The following AEBP2 variants were observed in gnomAD, a reference collection of about 807,000 sequenced individuals.
AEBP2 encodes the protein zinc finger protein AEBP2.
Under a neutral mutation model 50.8 loss-of-function variants are expected in AEBP2, and 10 were observed. The observed-to-expected ratio is 0.20, with a 90% confidence interval of 0.12 to 0.33. The LOEUF is 0.33. Ranked by LOEUF, AEBP2 falls within the 10% of genes least tolerant of loss-of-function variation. The pLI, the probability that AEBP2 is intolerant of heterozygous loss-of-function variation, is 1.00. For synonymous variants in AEBP2, 296 were observed against 261.3 expected (o/e 1.13, Z -1.28); for missense variants, 570 against 688.0 (o/e 0.83, Z 1.92).
chr12:19,455,921 G>C (rs1369155002), intron 1 of AEBP2, among the ~76,000 whole-genome samples: 1 of 151,542 alleles, frequency 6.6e-6, no homozygotes, highest in Non-Finnish European at 1.5e-5. Context: ...TTTCAGTTGG[G>C]TAACAATACT....
In AEBP2 at chr12:19,440,050, G is replaced by T; in HGVS notation, c.351G>T (p.Glu117Asp). The T allele has an allele frequency of 6.6e-7, 1 of 1,521,552 alleles. No individual in the cohort carries two copies. 94.3% of individuals were successfully genotyped at this position (1,521,552 alleles called of 1,614,324 possible). ...AGAGCAGCAGCAGCGGCGGGGGTGAGGAGGAGAGTAGCGCCGAGAGCCTGG... is the reference window on the plus strand; with the variant it reads ...AGAGCAGCAGCAGCGGCGGGGGTGATGAGGAGAGTAGCGCCGAGAGCCTGG... ...EDESSSSGGG[E>D]EESSAESLVG... The change falls in exon 1 of 8, where the codon GAG becomes GAT. Residue 117 changes from glutamate to aspartate, a missense_variant. Glu to Asp is a conservative substitution (Grantham distance 45, BLOSUM62 2). Transcript: ENST00000266508.
chr12:19,422,384 A>T (rs2095746272), intron 1 of AEBP2, among the ~76,000 whole-genome samples: 1 of 152,154 alleles, frequency 6.6e-6, no homozygotes, highest in South Asian at 2.1e-4. Flanking sequence ...TTATAGTTTG[A>T]AATGCCCTAA....
At chr12:19,447,194 C>T (rs971861867) in intron 1 of AEBP2, among the ~76,000 whole-genome samples, 4 of 152,318 alleles carry the variant, frequency 2.6e-5, no homozygotes, top group South Asian at 2.1e-4. Flanking sequence ...CAAGTGTGTA[C>T]GTCTCTCAGT....
intron 1 of AEBP2, among the ~76,000 whole-genome samples, chr12:19,410,924 T>A (rs935298957): frequency 3.5e-4 from 54 of 152,134 alleles, no homozygotes; most frequent in African/African-American, 1.3e-3. Flanking sequence ...GCATTGCAGG[T>A]GCTAAAATGC....
intron 1 of AEBP2, chr12:19,456,785 G>T: frequency 1.9e-6 from 3 of 1,575,340 alleles, no homozygotes; most frequent in Non-Finnish European, 2.6e-6. Context: ...TTTTAATGTT[G>T]ACTGGAGCAA....
rs1947908437 is a variant in AEBP2 at position 19,439,721 on chromosome 12, A to G, written c.22A>G (p.Met8Val). The G allele has an allele frequency of 3.3e-6, 5 of 1,514,654 alleles. No homozygotes were observed. The highest frequency in any genetic ancestry group is 4.4e-6 in the Non-Finnish European group (5 of 1,138,504). The allele number at this position is 1,514,654 out of a possible 1,614,324, so 93.8% of individuals were successfully genotyped here. A position where few individuals can be genotyped will look rare whatever the true frequency, so the allele number is the denominator to read the frequency against. MAAAITDMADLEELSRLS... is the reference protein window; with the variant it reads MAAAITDVADLEELSRLS... ...CGCCATGGCCGCCGCTATCACCGAC[A>G]TGGCCGACCTGGAGGAGCTCTCCCG... Residue 8 changes from methionine (M) to valine (V), a missense_variant, in exon 1 of 8, where the codon ATG (methionine) becomes GTG (valine). Met to Val is a conservative substitution (Grantham distance 21). Coordinates refer to ENST00000266508, the MANE Select transcript of AEBP2 (RefSeq NM_153207.5).
chr12:19,451,018 G>A (rs573240194), intron 1 of AEBP2, among the ~76,000 whole-genome samples: 1 of 151,840 alleles, frequency 6.6e-6, no homozygotes, highest in Non-Finnish European at 1.5e-5. Flanking sequence ...TTTTGCACTT[G>A]TTTGACTATG....
intron 1 of AEBP2, among the ~76,000 whole-genome samples, chr12:19,417,914 AG>A (rs2095743486): frequency 6.6e-6 from 1 of 151,872 alleles, no homozygotes; most frequent in Non-Finnish European, 1.5e-5. Context: ...CATGTTGGCC[AG>A]GATTGTCTCA....
In AEBP2 at chr12:19,500,090, CT is replaced by C; in HGVS notation, c.1175-3del. 1 of 1,600,088 alleles carries C rather than the reference CT, an allele frequency of 6.2e-7. No homozygotes were observed. The highest frequency in any genetic ancestry group is 1.1e-5 in the South Asian group (1 of 87,670). ...AAATATTCTTTACTTTTTATGTTGA[CT>C]TTTAGCACGGCCACATGATTTCTTC... On this transcript the variant is annotated splice_polypyrimidine_tract_variant and splice_region_variant and intron_variant, in intron 4 of 7. Coordinates refer to ENST00000266508, the MANE Select transcript of AEBP2 (RefSeq NM_153207.5).
chr12:19,426,038 C>A (rs180875905), intron 1 of AEBP2, among the ~76,000 whole-genome samples: 1 of 152,198 alleles, frequency 6.6e-6, no homozygotes, highest in Non-Finnish European at 1.5e-5. Flanking sequence ...CTGGCTCAAG[C>A]GATCCTCCCA....
rs533178962 is a variant in AEBP2 at position 19,453,914 on chromosome 12, C to T, written c.672-8596C>T. Among the ~76,000 whole-genome samples, 11 of 150,082 alleles carry T rather than the reference C, an allele frequency of 7.3e-5. No individual in the cohort carries two copies. The South Asian group carries it at 8.5e-4, about 12-fold the overall frequency. ...ACGGCTCAAGTGATTCTCCCCCCCT[C>T]GGCCTCCCAAAGTGCTGGGATTACA... On this transcript the variant is annotated intron_variant, in intron 1 of 7. Coordinates refer to ENST00000266508, the MANE Select transcript of AEBP2 (RefSeq NM_153207.5).
chr12:19,434,604 A>G (rs903662682), upstream of AEBP2, among the ~76,000 whole-genome samples: 3 of 152,256 alleles, frequency 2.0e-5, no homozygotes, highest in Non-Finnish European at 4.4e-5. Flanking sequence ...ATGAATGGGT[A>G]CTGAGCTGGG....
intron 1 of AEBP2, among the ~76,000 whole-genome samples, chr12:19,421,690 T>A (rs1592706261): frequency 6.6e-6 from 1 of 152,222 alleles, no homozygotes; most frequent in East Asian, 1.9e-4. Flanking sequence ...GCAAACCTTG[T>A]CACATAGCAG....
intron 3 of AEBP2, among the ~76,000 whole-genome samples, chr12:19,488,536 GA>G (rs1297672291): frequency 2.0e-5 from 3 of 152,020 alleles, no homozygotes; most frequent in Non-Finnish European, 4.4e-5. Context: ...TCGAAACCAA[GA>G]AATCAACATT....
At chr12:19,440,875 A>C (rs529106013) in intron 1 of AEBP2, 24 of 1,016,362 alleles carry the variant, frequency 2.4e-5, no homozygotes, top group Middle Eastern at 6.1e-4. Context: ...TTAAACAAAA[A>C]AAGGACTGTT....
chr12:19,484,070 TTTTGTTTGTTTG>T (rs1224139587), intron 3 of AEBP2, among the ~76,000 whole-genome samples: 1 of 151,954 alleles, frequency 6.6e-6, no homozygotes, highest in Non-Finnish European at 1.5e-5. Context: ...CATTACATCT[TTTTGTTTGTTTG>T]TTTGTTTTTT....
chr12:19,462,165 GCTT>G (rs1327569041), intron 1 of AEBP2, among the ~76,000 whole-genome samples: 6 of 152,094 alleles, frequency 3.9e-5, no homozygotes, highest in African/African-American at 1.2e-4. Context: ...ACTTTCTTAT[GCTT>G]CTTTGAACTG....
chr12:19,443,110 T>C (rs1483232465), intron 1 of AEBP2, among the ~76,000 whole-genome samples: 1 of 152,000 alleles, frequency 6.6e-6, no homozygotes, highest in Non-Finnish European at 1.5e-5. Context: ...TTTCTTTTTT[T>C]TTTTTGAGAC....
intron 1 of AEBP2, among the ~76,000 whole-genome samples, chr12:19,417,597 G>A (rs939629424): frequency 6.6e-6 from 1 of 151,708 alleles, no homozygotes; most frequent in African/African-American, 2.4e-5. Context: ...TAGTAGAGAC[G>A]GGGTTTCTCC....
Sources: allele counts gnomAD v4.1 joint callset (sites outside exome capture counted in the v4.1 genomes callset), GRCh38; gene constraint gnomAD v4.1.1; transcripts MANE v1.5; gene names NCBI Gene and HGNC (gene_info 2026-07-23, HGNC 2026-07-21).